The following CRPPA variants were observed in gnomAD, a reference collection of about 807,000 sequenced individuals.
CRPPA encodes the protein CDP-L-ribitol pyrophosphorylase A.
A neutral mutation model predicts 52.0 loss-of-function variants in CRPPA; 43 were observed. The observed-to-expected ratio is 0.83, with a 90% CI of 0.65 to 1.07. CRPPA has a LOEUF of 1.07. CRPPA is among the 50% of genes least tolerant of loss of function. The probability of loss-of-function intolerance (pLI) is 0.00; values close to 1 mark genes in which losing one functional copy is unlikely to be tolerated. For synonymous variants in CRPPA, 250 were observed against 203.5 expected (o/e 1.23, Z -1.94); for missense variants, 629 against 551.7 (o/e 1.14, Z -1.40).
At chr7:16,127,210 AAAAC>A (rs1270761536) in intron 9 of CRPPA, among the ~76,000 whole-genome samples, 5 of 152,190 alleles carry the variant, frequency 3.3e-5, no homozygotes, top group African/African-American at 1.2e-4. Context: ...CATCCCTATG[AAAAC>A]AAACAAAAAC....
At chr7:16,269,270 A>G (rs888017425) in intron 6 of CRPPA, 2 of 148,084 alleles carry the variant, frequency 1.4e-5, no homozygotes, top group African/African-American at 5.1e-5. Context: ...TGACACAACA[A>G]TTGATGAGTA....
chr7:16,303,179 T>G (rs1292394507), intron 4 of CRPPA, among the ~76,000 whole-genome samples: 1 of 152,148 alleles, frequency 6.6e-6, no homozygotes, highest in Admixed American at 6.5e-5. Flanking sequence ...TTGAATTGCT[T>G]GAACAACTTT....
intron 3 of CRPPA, among the ~76,000 whole-genome samples, chr7:16,326,150 T>C (rs1785384045): frequency 6.6e-6 from 1 of 151,824 alleles, no homozygotes; most frequent in African/African-American, 2.4e-5. Flanking sequence ...GAAAGAGCTA[T>C]ATATTCCCTC....
intron 9 of CRPPA, among the ~76,000 whole-genome samples, chr7:16,203,037 G>A (rs1781893074): frequency 6.6e-6 from 1 of 152,106 alleles, no homozygotes; most frequent in Non-Finnish European, 1.5e-5. Context: ...TTTCACAAGT[G>A]GTTAAAAATA....
chr7:16,413,154 T>C (rs74345653), intron 1 of CRPPA, among the ~76,000 whole-genome samples: 3,981 of 152,264 alleles, frequency 0.026, 72 homozygotes, highest in East Asian at 0.13. Flanking sequence ...AGATTTCTAT[T>C]TCTCCATACT....
At chr7:16,413,392 T>C (rs923705307) in intron 1 of CRPPA, among the ~76,000 whole-genome samples, 2 of 152,206 alleles carry the variant, frequency 1.3e-5, no homozygotes, top group East Asian at 3.9e-4. Context: ...ACAAGTCCCA[T>C]GACTCAGACT....
intron 3 of CRPPA, among the ~76,000 whole-genome samples, chr7:16,326,364 CAT>C (rs893124632): frequency 2.8e-4 from 43 of 152,220 alleles, no homozygotes; most frequent in Admixed American, 7.2e-4. Flanking sequence ...GGCTAGGAAA[CAT>C]ATGTAGATAT....
chr7:16,206,568 T>C (rs1161477754), intron 9 of CRPPA, among the ~76,000 whole-genome samples: 1 of 134,580 alleles, frequency 7.4e-6, no homozygotes, highest in Non-Finnish European at 1.5e-5. Context: ...ATTCTGAACC[T>C]TTTTTTAAAA....
chr7:16,416,523 G>T (rs945693230), intron 1 of CRPPA, among the ~76,000 whole-genome samples: 3 of 152,148 alleles, frequency 2.0e-5, no homozygotes, highest in Non-Finnish European at 2.9e-5. Context: ...ACAACTGAGA[G>T]AAAATTAAAC....
intron 9 of CRPPA, among the ~76,000 whole-genome samples, chr7:16,095,931 A>G (rs1781926998): frequency 6.6e-6 from 1 of 152,122 alleles, no homozygotes; most frequent in Admixed American, 6.5e-5. Context: ...AAAGTTGGAG[A>G]GCTGAGGAGA....
intron 9 of CRPPA, among the ~76,000 whole-genome samples, chr7:16,111,755 G>T (rs564778248): frequency 2.0e-5 from 3 of 152,244 alleles, no homozygotes; most frequent in African/African-American, 7.2e-5. Flanking sequence ...TCCAAAAGAT[G>T]GGGTTAGGGG....
chr7:16,155,862 A>G (rs1338032073), intron 9 of CRPPA, among the ~76,000 whole-genome samples: 2 of 152,126 alleles, frequency 1.3e-5, no homozygotes, highest in African/African-American at 2.4e-5. Context: ...TGTACAAAAG[A>G]AACACAATAA....
intron 3 of CRPPA, among the ~76,000 whole-genome samples, chr7:16,368,811 A>G (rs1374953038): frequency 6.6e-6 from 1 of 152,126 alleles, no homozygotes; most frequent in Admixed American, 6.5e-5. Context: ...CCAACCTTAC[A>G]CACGGATCTT....
chr7:16,400,011 C>G (rs1485741941), intron 2 of CRPPA, among the ~76,000 whole-genome samples: 1 of 152,150 alleles, frequency 6.6e-6, no homozygotes, highest in African/African-American at 2.4e-5. Context: ...ATGTGACTGA[C>G]TCGCGAATGA....
chr7:16,286,097 A>AAAAAAAAAATATATATATATAT, intron 5 of CRPPA, among the ~76,000 whole-genome samples: 8 of 39,118 alleles, frequency 2.0e-4, no homozygotes, highest in South Asian at 1.9e-3. Flanking sequence ...TAAAAAAAAA[A>AAAAAAAAAATATATATATATAT]ATATATATAT....
chr7:16,368,226 G>C (rs182059853), intron 3 of CRPPA, among the ~76,000 whole-genome samples: 2 of 152,150 alleles, frequency 1.3e-5, no homozygotes, highest in South Asian at 2.1e-4. Flanking sequence ...GGACCAATCC[G>C]TGGGCTTTTC....
chr7:16,380,788 G>C (rs1464397015), intron 2 of CRPPA, among the ~76,000 whole-genome samples: 2 of 152,144 alleles, frequency 1.3e-5, no homozygotes, highest in Admixed American at 1.3e-4. Context: ...AGAGGTGTTT[G>C]AGGTATTCTC....
At chr7:16,103,611 C>G (rs1040284584) in intron 9 of CRPPA, among the ~76,000 whole-genome samples, 1 of 152,000 alleles carries the variant, frequency 6.6e-6, no homozygotes, top group Admixed American at 6.6e-5. Context: ...GAAAAAACAC[C>G]CAGTCTAAGA....
At chr7:16,249,733 C>T (rs1295601012) in intron 8 of CRPPA, among the ~76,000 whole-genome samples, 1 of 152,338 alleles carries the variant, frequency 6.6e-6, no homozygotes, top group South Asian at 2.1e-4. Flanking sequence ...AGGTCACCAA[C>T]ATCAAAGACC....
Sources: allele counts gnomAD v4.1 joint callset (sites outside exome capture counted in the v4.1 genomes callset), GRCh38; gene constraint gnomAD v4.1.1; transcripts MANE v1.5; gene names NCBI Gene and HGNC (gene_info 2026-07-23, HGNC 2026-07-21).